Variants in AUTS2 observed in about 807,000 individuals in gnomAD.
AUTS2 encodes autism susceptibility gene 2 protein.
AUTS2 carries 17 observed loss-of-function variants against 112.4 expected under a neutral mutation model. The ratio of observed to expected loss-of-function variants is 0.15; its 90% CI spans 0.10 to 0.23. AUTS2 has a LOEUF of 0.23. Among genes scored for constraint, AUTS2 ranks in the 10% least tolerant of loss-of-function variants. The probability of loss-of-function intolerance (pLI) is 1.00; values close to 1 mark genes in which losing one functional copy is unlikely to be tolerated. For missense variants in AUTS2, 1,510 were observed against 1,701.6 expected (o/e 0.89, Z 1.98); for synonymous variants, 751 against 702.7 (o/e 1.07, Z -1.09).
intron 2 of AUTS2, among the ~76,000 whole-genome samples, chr7:69,987,790 A>G (rs1647443185): frequency 6.6e-6 from 1 of 152,186 alleles, no homozygotes; most frequent in South Asian, 2.1e-4. Flanking sequence ...TTGTTTTCCA[A>G]TACGTCATGA....
chr7:70,466,133 G>A (rs1477840210), intron 5 of AUTS2, among the ~76,000 whole-genome samples: 2 of 152,120 alleles, frequency 1.3e-5, no homozygotes, highest in African/African-American at 4.8e-5. Context: ...TTGTAAATCT[G>A]GGAAAACTAG....
intron 5 of AUTS2, among the ~76,000 whole-genome samples, chr7:70,536,673 G>A (rs1800334318): frequency 6.6e-6 from 1 of 150,962 alleles, no homozygotes; most frequent in Non-Finnish European, 1.5e-5. Context: ...GGCTGAGGCG[G>A]GCGGATCACC....
intron 4 of AUTS2, among the ~76,000 whole-genome samples, chr7:70,247,242 A>G (rs1378877193): frequency 6.6e-6 from 1 of 152,188 alleles, no homozygotes; most frequent in Non-Finnish European, 1.5e-5. Flanking sequence ...TGAAGACATT[A>G]TGGTAAGTGA....
At chr7:69,821,586 G>C (rs956182293) in intron 1 of AUTS2, among the ~76,000 whole-genome samples, 1 of 151,978 alleles carries the variant, frequency 6.6e-6, no homozygotes, top group East Asian at 1.9e-4. Flanking sequence ...TCACTCTTAG[G>C]GTCTGCACCA....
chr7:70,692,968 G>A (rs1247139145), intron 5 of AUTS2, among the ~76,000 whole-genome samples: 1 of 152,136 alleles, frequency 6.6e-6, no homozygotes, highest in Non-Finnish European at 1.5e-5. Context: ...GTGGCACTGG[G>A]AGGGGACTTA....
At chr7:70,668,271 G>A (rs762085601) in intron 5 of AUTS2, among the ~76,000 whole-genome samples, 3 of 152,150 alleles carry the variant, frequency 2.0e-5, no homozygotes, top group East Asian at 1.9e-4. Context: ...GAGCCACCGC[G>A]CCCAGCCAGA....
chr7:70,318,326 G>A lies in AUTS2; in HGVS notation c.661-117426G>A, dbSNP rs139826969. Among the ~76,000 whole-genome samples the A allele has an allele frequency of 6.7e-4, 102 of 152,200 alleles. 1 individual carries two copies. The East Asian group carries it at 0.018, about 27-fold the overall frequency. On this transcript the variant is annotated intron_variant, in intron 4 of 18. Coordinates refer to ENST00000342771, the MANE Select transcript of AUTS2 (RefSeq NM_015570.4). Reference sequence around the variant, plus strand: ...GCCAGTGTGAGGAGCAAGGACGTGGGCTAGAGGAGGAGGAGATGAGCATGG... The same window carrying A: ...GCCAGTGTGAGGAGCAAGGACGTGGACTAGAGGAGGAGGAGATGAGCATGG...
intron 1 of AUTS2, among the ~76,000 whole-genome samples, chr7:69,735,595 G>A (rs1198121040): frequency 6.6e-6 from 1 of 152,170 alleles, no homozygotes; most frequent in Non-Finnish European, 1.5e-5. Context: ...TGGCTGAGGG[G>A]CACAAACAGA....
At chr7:69,920,619 G>A (rs1795772112) in intron 2 of AUTS2, among the ~76,000 whole-genome samples, 1 of 152,012 alleles carries the variant, frequency 6.6e-6, no homozygotes, top group African/African-American at 2.4e-5. Flanking sequence ...AAATTGTGAG[G>A]CATATATGTT....
intron 1 of AUTS2, among the ~76,000 whole-genome samples, chr7:69,751,999 A>G (rs373218856): frequency 2.0e-5 from 3 of 152,168 alleles, no homozygotes; most frequent in Non-Finnish European, 4.4e-5. Flanking sequence ...TTTGATGACT[A>G]TTATCACAGA....
At chr7:69,911,081 G>A (rs1795334550) in intron 2 of AUTS2, among the ~76,000 whole-genome samples, 2 of 152,210 alleles carry the variant, frequency 1.3e-5, no homozygotes, top group African/African-American at 4.8e-5. Context: ...TCAGATTTGG[G>A]TGGGGCTACA....
intron 4 of AUTS2, among the ~76,000 whole-genome samples, chr7:70,224,426 A>G (rs1811660957): frequency 6.6e-6 from 1 of 152,166 alleles, no homozygotes; most frequent in South Asian, 2.1e-4. Context: ...ATACAATTTA[A>G]TAAAAGAAAG....
intron 11 of AUTS2, among the ~76,000 whole-genome samples, chr7:70,772,117 C>T (rs1790388012): frequency 1.3e-5 from 2 of 152,182 alleles, no homozygotes; most frequent in Non-Finnish European, 2.9e-5. Context: ...CCTCATTTCC[C>T]TCGCCAACCC....
At chr7:70,609,540 GC>G (rs1327630419) in intron 5 of AUTS2, among the ~76,000 whole-genome samples, 1 of 151,022 alleles carries the variant, frequency 6.6e-6, no homozygotes, top group Non-Finnish European at 1.5e-5. Flanking sequence ...GACTACAGGC[GC>G]CCACCACCAC....
intron 2 of AUTS2, among the ~76,000 whole-genome samples, chr7:69,918,780 T>C (rs1795693174): frequency 6.6e-6 from 1 of 152,232 alleles, no homozygotes; most frequent in Non-Finnish European, 1.5e-5. Flanking sequence ...ATCATAATGA[T>C]TGTAGGAAAC....
intron 1 of AUTS2, among the ~76,000 whole-genome samples, chr7:69,663,533 A>T (rs1028219705): frequency 6.6e-6 from 1 of 152,228 alleles, no homozygotes; most frequent in Admixed American, 6.5e-5. Context: ...AGGATTTGGT[A>T]TAGTTACTTA....
At chr7:70,365,375 A>G (rs761876631) in intron 4 of AUTS2, among the ~76,000 whole-genome samples, 28 of 152,254 alleles carry the variant, frequency 1.8e-4, no homozygotes, top group Non-Finnish European at 3.7e-4. Context: ...ATTAAGGGAA[A>G]TAAAGCTCAA....
At chr7:69,863,865 C>T (rs1363684783) in intron 1 of AUTS2, among the ~76,000 whole-genome samples, 1 of 152,142 alleles carries the variant, frequency 6.6e-6, no homozygotes, top group Non-Finnish European at 1.5e-5. Context: ...GGCCAGCACC[C>T]GTTGGGTAGG....
intron 4 of AUTS2, among the ~76,000 whole-genome samples, chr7:70,346,441 T>G (rs1791500061): frequency 6.6e-6 from 1 of 152,228 alleles, no homozygotes; most frequent in Admixed American, 6.5e-5. Flanking sequence ...TATAGGCCAC[T>G]GGGTTCCACA....
Sources: gnomAD v4.1 joint callset for allele counts (sites outside exome capture counted in the v4.1 genomes callset) on GRCh38, gnomAD v4.1.1 for gene constraint, MANE v1.5 for transcripts, NCBI Gene and HGNC (gene_info 2026-07-23, HGNC 2026-07-21) for gene names.